CFAP77: variants seen among roughly 807,000 people sequenced by gnomAD.
The protein encoded by CFAP77 is cilia- and flagella-associated protein 77.
A neutral mutation model predicts 31.1 loss-of-function variants in CFAP77; 25 were observed. The ratio of observed to expected loss-of-function variants is 0.80; its 90% CI spans 0.59 to 1.12. The LOEUF is 1.12. Ranked by LOEUF, CFAP77 falls within the 50% of genes most tolerant of loss-of-function variation. The probability of loss-of-function intolerance (pLI) is 0.00; values close to 1 mark genes in which losing one functional copy is unlikely to be tolerated. For missense variants in CFAP77, 377 were observed against 397.3 expected (o/e 0.95, Z 0.44); for synonymous variants, 151 against 159.9 (o/e 0.94, Z 0.42).
At chr9:132,441,139 C>G (rs1850609471) in intron 1 of CFAP77, among the ~76,000 whole-genome samples, 1 of 152,142 alleles carries the variant, frequency 6.6e-6, no homozygotes, top group Admixed American at 6.5e-5. Flanking sequence ...CCTTTGTTTT[C>G]AAAGTAAAGT....
At chr9:132,509,511 G>T (rs1394332007) in intron 3 of CFAP77, among the ~76,000 whole-genome samples, 1 of 152,200 alleles carries the variant, frequency 6.6e-6, no homozygotes, top group East Asian at 1.9e-4. Context: ...GCTCACACCT[G>T]TAATCCCGTC....
Position 132,498,617 on chromosome 9 carries a change from C to A in CFAP77, c.196-78C>A. 9.0e-7 allele frequency: 1 copy of A among 1,105,962 alleles called. No individual in the cohort carries two copies. Among genetic ancestry groups the A allele is most frequent in the Non-Finnish European group, 1.3e-6 (1 of 747,370 alleles). 68.5% of individuals were successfully genotyped at this position (1,105,962 alleles called of 1,614,324 possible). On this transcript the variant is annotated intron_variant, in intron 1 of 5. Transcript: ENST00000393216. This position sits in a 1 kb window ranked among gnomAD's most constrained non-coding sequence, Gnocchi z 4.2. ...CTGGGGGAAATGCAGGCATCTGGTG[C>A]CTCCCTGCTGCCGGATTACAATACA...
At chr9:132,532,866 T>G (rs1026540558) in intron 3 of CFAP77, among the ~76,000 whole-genome samples, 1 of 152,038 alleles carries the variant, frequency 6.6e-6, no homozygotes, top group African/African-American at 2.4e-5. Context: ...CCGGGCAACA[T>G]AGTGAGACCC....
At chr9:132,474,318 C>T (rs1042570426) in intron 1 of CFAP77, among the ~76,000 whole-genome samples, 1 of 152,134 alleles carries the variant, frequency 6.6e-6, no homozygotes, top group African/African-American at 2.4e-5. Context: ...CACTTACGAA[C>T]GCCTCGGGAC....
Position 132,499,438 on chromosome 9 carries a change from T to C in CFAP77, c.362T>C (p.Ile121Thr), listed in dbSNP as rs1851801708. 4 of 1,614,194 alleles carry C rather than the reference T, an allele frequency of 2.5e-6. No homozygotes were observed. Among genetic ancestry groups the C allele is most frequent in the Non-Finnish European group, 3.4e-6 (4 of 1,180,042 alleles). ...TCPHELTRNY[I>T]AMNRGAVKAG... The stretch of plus-strand genomic sequence containing the variant: ...CCCCACGAGCTGACCCGGAATTATA[T>C]CGCAATGAACCGCGGGGCGGTGAAA... Residue 121 changes from isoleucine to threonine, a missense_variant, in exon 3 of 6, where the codon ATC becomes ACC. By Grantham distance (89) the Ile-to-Thr change is moderately conservative. Coordinates refer to ENST00000393216, the MANE Select transcript of CFAP77 (RefSeq NM_001282957.2). The surrounding 1 kb of genome is among the most constrained non-coding windows in gnomAD (Gnocchi z 5.4).
At chr9:132,571,500 C>A (rs1352302662) in intron 5 of CFAP77, among the ~76,000 whole-genome samples, 1 of 152,156 alleles carries the variant, frequency 6.6e-6, no homozygotes, top group Non-Finnish European at 1.5e-5. Context: ...AAAAGCTCCA[C>A]GAGGGTAGAG....
In CFAP77 at chr9:132,545,961, T is replaced by A. The variant is rs918570109; in HGVS notation, c.732+2914T>A. ...CCCTTCACGGCACTTAACTCTGCAA[T>A]TAATTAACTGGGCAATTTTTTTCAT... On this transcript the variant is annotated intron_variant, in intron 5 of 5. Transcript: ENST00000393216. This position sits in a 1 kb window ranked among gnomAD's most constrained non-coding sequence, Gnocchi z 4.6. Among the ~76,000 whole-genome samples, 2 of 152,128 alleles carry A rather than the reference T, an allele frequency of 1.3e-5. No homozygotes were observed. Among genetic ancestry groups the A allele is most frequent in the East Asian group, 3.9e-4 (2 of 5,190 alleles).
intron 3 of CFAP77, among the ~76,000 whole-genome samples, chr9:132,525,621 T>G (rs1294154877): frequency 6.6e-6 from 1 of 152,210 alleles, no homozygotes; most frequent in Admixed American, 6.5e-5. Context: ...TGTGGGCATG[T>G]GTGTATGTGT....
In CFAP77 at chr9:132,498,919, C is replaced by T. The variant is rs1017352227; in HGVS notation, c.295+125C>T. 8.2e-5 allele frequency: 57 copies of T among 698,788 alleles called. No homozygotes were observed. The highest frequency in any genetic ancestry group is 2.4e-5 in the Non-Finnish European group (10 of 415,306). The allele number at this position is 698,788 out of a possible 1,614,324, so 43.3% of individuals were successfully genotyped here. ...GGGTGCTGGAGAAAGACCCAGGGAC[C>T]GCCAGCCTGGGCAGCTGACTGGTAA... On this transcript the variant is annotated intron_variant, in intron 2 of 5. Coordinates refer to ENST00000393216, the MANE Select transcript of CFAP77 (RefSeq NM_001282957.2). The surrounding 1 kb of genome is among the most constrained non-coding windows in gnomAD (Gnocchi z 4.2).
At chr9:132,553,306 A>G (rs1852850394) in intron 5 of CFAP77, among the ~76,000 whole-genome samples, 1 of 152,180 alleles carries the variant, frequency 6.6e-6, no homozygotes, top group Non-Finnish European at 1.5e-5. Flanking sequence ...AGGGATTCAC[A>G]TACGCTTTTT....
rs530935848 is a variant in CFAP77, at chr9:132,436,208, A to G, written c.195+25742A>G. ...AAGCTCTCTCCAAATTCTCCAAGGGAGGGTCTTTCCTGGCCTCTCCCAGTT... is the reference window on the plus strand; with the variant it reads ...AAGCTCTCTCCAAATTCTCCAAGGGGGGGTCTTTCCTGGCCTCTCCCAGTT... On this transcript the variant is annotated intron_variant, in intron 1 of 5. Transcript: ENST00000393216. Among the ~76,000 whole-genome samples, 13 of 152,226 alleles carry G rather than the reference A, an allele frequency of 8.5e-5. 1 individual carries two copies. The South Asian group carries it at 2.7e-3, about 32-fold the overall frequency.
chr9:132,528,394 A>AT (rs1332098520), intron 3 of CFAP77, among the ~76,000 whole-genome samples: 6 of 144,640 alleles, frequency 4.1e-5, no homozygotes, highest in South Asian at 4.7e-4. Flanking sequence ...ACCTAAAACC[A>AT]TAAAAACCCT....
intron 5 of CFAP77, among the ~76,000 whole-genome samples, chr9:132,549,187 C>G (rs774873969): frequency 2.2e-4 from 33 of 152,310 alleles, no homozygotes; most frequent in Non-Finnish European, 4.9e-4. Flanking sequence ...GCCTGTCCAC[C>G]CTGCCGCCTC....
At position 132,545,429 on chromosome 9, in the gene CFAP77, C is replaced by G. The variant is rs1306412424; in HGVS notation, c.732+2382C>G. Among the ~76,000 whole-genome samples, 1 of 152,202 alleles carries G rather than the reference C, an allele frequency of 6.6e-6. No individual in the cohort carries two copies. Among genetic ancestry groups the G allele is most frequent in the Non-Finnish European group, 1.5e-5 (1 of 68,040 alleles). On this transcript the variant is annotated intron_variant, in intron 5 of 5. Coordinates refer to ENST00000393216, the MANE Select transcript of CFAP77 (RefSeq NM_001282957.2). This position sits in a 1 kb window ranked among gnomAD's most constrained non-coding sequence, Gnocchi z 4.6. ...AGCCGAGACACATGACCTATCGGGC[C>G]ATAAAACTCATGAGAAAGAAAATCA...
intron 1 of CFAP77, among the ~76,000 whole-genome samples, chr9:132,462,655 A>C (rs1851072557): frequency 6.6e-6 from 1 of 152,118 alleles, no homozygotes; most frequent in Non-Finnish European, 1.5e-5. Context: ...CTCTACCAAA[A>C]ATAGAAAAAA....
At chr9:132,438,068 GGTGGGCTACTGTAATCCCAGCTACTCA>G (rs1193963961) in intron 1 of CFAP77, among the ~76,000 whole-genome samples, 2 of 151,390 alleles carry the variant, frequency 1.3e-5, no homozygotes, top group African/African-American at 4.9e-5. Flanking sequence ...AGCAGGGTGT[GGTGGGCTACTGTAATCCCAGCTACTCA>G]GGAGGCTGAG....
At chr9:132,471,492 C>A (rs1851256401) in intron 1 of CFAP77, among the ~76,000 whole-genome samples, 1 of 152,120 alleles carries the variant, frequency 6.6e-6, no homozygotes, top group Middle Eastern at 3.4e-3. Flanking sequence ...ATGGCCACCC[C>A]CTCAGGTCCT....
intron 1 of CFAP77, among the ~76,000 whole-genome samples, chr9:132,461,200 C>G (rs2131725790): frequency 6.6e-6 from 1 of 152,352 alleles, no homozygotes; most frequent in Non-Finnish European, 1.5e-5. Flanking sequence ...CACCTCCAGT[C>G]TTTGGAAATC....
At chr9:132,450,767 C>T (rs1477288803) in intron 1 of CFAP77, among the ~76,000 whole-genome samples, 2 of 152,188 alleles carry the variant, frequency 1.3e-5, no homozygotes, top group Admixed American at 6.5e-5. Context: ...TGTCTTTATG[C>T]AAGACCATGT....
Sources: allele counts gnomAD v4.1 joint callset (sites outside exome capture counted in the v4.1 genomes callset), GRCh38; gene constraint gnomAD v4.1.1; non-coding constraint Gnocchi (gnomAD v3.1); transcripts MANE v1.5; gene names NCBI Gene and HGNC (gene_info 2026-07-23, HGNC 2026-07-21).